Variants in EP400 observed in about 807,000 individuals in gnomAD.
EP400 encodes E1A-binding protein p400.
Under a neutral mutation model 354.1 loss-of-function variants are expected in EP400, and 105 were observed. The ratio of observed to expected loss-of-function variants is 0.30; its 90% CI spans 0.25 to 0.35. The LOEUF is 0.35. Ranked by LOEUF, EP400 falls within the 10% of genes least tolerant of loss-of-function variation. EP400 has a pLI of 1.00. For synonymous variants in EP400, 1,646 were observed against 1,716.9 expected (o/e 0.96, Z 1.02); for missense variants, 3,280 against 4,121.0 (o/e 0.80, Z 5.59).
chr12:132,031,725 T>G (rs1002227394), intron 29 of EP400, among the ~76,000 whole-genome samples: 3 of 151,634 alleles, frequency 2.0e-5, no homozygotes, highest in Non-Finnish European at 4.4e-5. Context: ...CCAGCTAATT[T>G]TTTGTATTTT....
rs200910662 is a variant in EP400, at chr12:131,972,136, CTTTCTTTTTCTT to C, written c.1336-7542_1336-7531del. On this transcript the variant is annotated intron_variant, in intron 2 of 52. Coordinates refer to ENST00000389561, the MANE Select transcript of EP400 (RefSeq NM_015409.5). ...AAAAAATTCAGCGTGAGTTTTATTA[CTTTCTTTTTCTT>C]TTTCTTTTTCTTTTTTTTTTTTTAA... Among the ~76,000 whole-genome samples the C allele has an allele frequency of 2.1e-4, 31 of 150,982 alleles. No individual in the cohort carries two copies. The East Asian group carries it at 5.6e-3, about 27-fold the overall frequency.
chr12:132,037,588 G>A (rs1050067332), intron 30 of EP400, 94 bp from the exon 31 acceptor site: 37 of 965,802 alleles, frequency 3.8e-5, no homozygotes, highest in Admixed American at 5.6e-5. Context: ...GAGGAGGGAC[G>A]TGGATTCGTT....
At chr12:132,061,052 G>A (rs1240642394) in intron 45 of EP400, among the ~76,000 whole-genome samples, 1 of 152,210 alleles carries the variant, frequency 6.6e-6, no homozygotes, top group Non-Finnish European at 1.5e-5. Flanking sequence ...TGGTAACAAG[G>A]TAGACTCATG....
In EP400 at chr12:131,992,222, A is replaced by G. The variant is rs747923148; in HGVS notation, c.2729A>G (p.Asp910Gly). ...AGAAAAGCTAGCATATCTTTGACTG[A>G]TGACGAAGGTCTGTTCCCCCTCAGC... ...RKRKASISLT[D>G]DEVDDEEETI... Residue 910 changes from aspartate to glycine, a missense_variant, in exon 11 of 53, where the codon GAT becomes GGT. Around this residue, in one of 20 missense-constraint regions of EP400, gnomAD observed 800 missense variants for 840.0 expected, o/e 0.95. Coordinates refer to ENST00000389561, the MANE Select transcript of EP400 (RefSeq NM_015409.5). The G allele has an allele frequency of 1.2e-6, 2 of 1,610,390 alleles. No individual in the cohort carries two copies. The highest frequency in any genetic ancestry group is 1.7e-6 in the Non-Finnish European group (2 of 1,179,764).
At chr12:132,019,651 A>G (rs1019516475) in intron 21 of EP400, among the ~76,000 whole-genome samples, 70 of 152,196 alleles carry the variant, frequency 4.6e-4, no homozygotes, top group African/African-American at 1.6e-3. Context: ...ACAGTGAACC[A>G]TCACTTGAAC....
At chr12:132,074,243 C>T (rs1896160454) in intron 51 of EP400, among the ~76,000 whole-genome samples, 1 of 152,154 alleles carries the variant, frequency 6.6e-6, no homozygotes, top group East Asian at 1.9e-4. Context: ...TTTCTGAGTG[C>T]ATTCACGGTA....
intron 2 of EP400, among the ~76,000 whole-genome samples, chr12:131,978,263 A>C (rs1892550374): frequency 6.6e-6 from 1 of 152,180 alleles, no homozygotes; most frequent in Admixed American, 6.5e-5. Context: ...CCATGTGCAC[A>C]GCCTCCTTTG....
chr12:132,063,804 G>A (rs1007204847), intron 47 of EP400, among the ~76,000 whole-genome samples: 1 of 152,272 alleles, frequency 6.6e-6, no homozygotes, highest in Admixed American at 6.5e-5. Flanking sequence ...CTCGAGGGCT[G>A]CATGGCCATA....
At chr12:131,984,838 A>G (rs1892800485) in intron 5 of EP400, among the ~76,000 whole-genome samples, 1 of 151,366 alleles carries the variant, frequency 6.6e-6, no homozygotes, top group Admixed American at 6.6e-5. Flanking sequence ...AGCTGGGACT[A>G]CAGGCATGCG....
intron 23 of EP400, among the ~76,000 whole-genome samples, chr12:132,023,299 A>ATTTTTTTTTTTTT (rs767816284): frequency 1.4e-5 from 1 of 71,078 alleles, no homozygotes; most frequent in Non-Finnish European, 2.5e-5. Context: ...TGCCCAGCTA[A>ATTTTTTTTTTTTT]TTTTTTTTTT....
rs763318882 is a variant in EP400, at chr12:132,053,564, C to G, written c.7695C>G (p.Pro2565=). The G allele has an allele frequency of 2.6e-6, 4 of 1,564,476 alleles. No individual in the cohort carries two copies. In the South Asian group the frequency reaches 4.6e-5, roughly 18 times the overall value. ...QPVQAPAKAQ[P]AITTGGSAAV... ...TGCAGGCCCCAGCGAAGGCGCAGCCCGCAATCACGACGGGGGGCAGTGCAG... is the reference window on the plus strand; with the variant it reads ...TGCAGGCCCCAGCGAAGGCGCAGCCGGCAATCACGACGGGGGGCAGTGCAG... Residue 2565 remains proline, a synonymous_variant, in exon 43 of 53, where the codon CCC becomes CCG. Transcript: ENST00000389561.
Position 132,018,404 on chromosome 12 carries a change from G to C in EP400, c.4277+28G>C. ...GCGTGCGACCCAGAGGCAGCGGGGAGGGTTGGCTCCCAGGGCCCCCACAGC... is the reference window on the plus strand; with the variant it reads ...GCGTGCGACCCAGAGGCAGCGGGGACGGTTGGCTCCCAGGGCCCCCACAGC... On this transcript the variant is annotated intron_variant, in intron 21 of 52. Transcript: ENST00000389561. This position sits in a 1 kb window ranked among gnomAD's most constrained non-coding sequence, Gnocchi z 4.0. 2 of 1,571,880 alleles carry C rather than the reference G, an allele frequency of 1.3e-6. No homozygotes were observed. The highest frequency in any genetic ancestry group is 1.7e-6 in the Non-Finnish European group (2 of 1,164,048).
At chr12:132,077,351 CT>C in intron 52 of EP400, 49 bp from the exon 53 acceptor site, 2 of 1,578,596 alleles carry the variant, frequency 1.3e-6, no homozygotes, top group South Asian at 2.3e-5. Context: ...TTTCCTGTCC[CT>C]GGACTGAGTT....
intron 23 of EP400, among the ~76,000 whole-genome samples, chr12:132,023,320 TTTTTTTTG>T (rs1894186428): frequency 7.0e-6 from 1 of 142,620 alleles, no homozygotes; most frequent in African/African-American, 2.7e-5. Flanking sequence ...TTTTTTTTTT[TTTTTTTTG>T]CATTTCTAGT....
intron 35 of EP400, 63 bp from the exon 36 acceptor site, chr12:132,044,608 T>C: frequency 1.3e-6 from 2 of 1,593,488 alleles, no homozygotes; most frequent in East Asian, 2.2e-5. Flanking sequence ...AGGTACATGA[T>C]TTGTGGCTTA....
In EP400 at chr12:131,988,151, C is replaced by T. The variant is rs574930589; in HGVS notation, c.2409+261C>T. ...CCTCCTGGAGTGCTGGGATTGCAGG[C>T]GTGAACCACTGTGCCTGGCAGACTC... On this transcript the variant is annotated intron_variant, in intron 7 of 52. Transcript: ENST00000389561. Among the ~76,000 whole-genome samples, 15 of 151,972 alleles carry T rather than the reference C, an allele frequency of 9.9e-5. No individual in the cohort carries two copies. In the South Asian group the frequency reaches 1.5e-3, roughly 15 times the overall value.
chr12:131,969,591 C>T (rs1457085348), intron 2 of EP400, among the ~76,000 whole-genome samples: 2 of 152,108 alleles, frequency 1.3e-5, no homozygotes, highest in Admixed American at 6.6e-5. Flanking sequence ...GGACTTCCTT[C>T]TTTTCTGGCA....
Position 132,001,577 on chromosome 12 carries a change from G to A in EP400, c.2828-3500G>A, listed in dbSNP as rs188053949. Among the ~76,000 whole-genome samples the A allele has an allele frequency of 7.1e-3, 1,074 of 152,290 alleles. 31 individuals carry two copies. The South Asian group carries it at 0.092, about 13-fold the overall frequency. On this transcript the variant is annotated intron_variant, in intron 12 of 52. Transcript: ENST00000389561. ...CAGGGCCTCCACAAGAGGTGGAGGA[G>A]TAGAGTCTTCTCTAAACTCCCCACA...
chr12:131,993,167 C>G (rs1893099394), intron 11 of EP400, among the ~76,000 whole-genome samples: 1 of 152,188 alleles, frequency 6.6e-6, no homozygotes, highest in South Asian at 2.1e-4. Flanking sequence ...GCTGAGACTA[C>G]AGGTGCGGAC....
Sources: gnomAD v4.1 joint callset for allele counts (sites outside exome capture counted in the v4.1 genomes callset) on GRCh38, gnomAD v4.1.1 for gene constraint, gnomAD v4.1.1 regional missense constraint, Gnocchi (gnomAD v3.1) non-coding constraint, MANE v1.5 for transcripts, NCBI Gene and HGNC (gene_info 2026-07-23, HGNC 2026-07-21) for gene names.